SETBP1: variants seen among roughly 807,000 people sequenced by gnomAD.
The protein encoded by SETBP1 is SET binding protein 1.
In SETBP1, 9 loss-of-function variants were observed where a neutral mutation model predicts 101.0. The ratio of observed to expected loss-of-function variants is 0.09; its 90% CI spans 0.05 to 0.16. SETBP1 has a LOEUF of 0.16. Among genes scored for constraint, SETBP1 ranks in the 10% least tolerant of loss-of-function variants. The pLI is 1.00. For missense variants in SETBP1, 1,858 were observed against 2,033.8 expected (o/e 0.91, Z 1.66); for synonymous variants, 818 against 788.5 (o/e 1.04, Z -0.63).
In SETBP1 at chr18:45,063,790, G is replaced by A. The variant is rs2073932324; in HGVS notation, c.*92G>A. ...CGGGGGCGGAATCCCCCGCTGCAGG[G>A]ACACCCACGCCCTTCTCTCCAGAAG... On this transcript the variant is annotated 3_prime_UTR_variant, in exon 6 of 6. Coordinates refer to ENST00000649279, the MANE Select transcript of SETBP1 (RefSeq NM_015559.3). 15 of 1,408,384 alleles carry A rather than the reference G, an allele frequency of 1.1e-5. No individual in the cohort carries two copies. The highest frequency in any genetic ancestry group is 1.4e-5 in the African/African-American group (1 of 69,006). 87.2% of individuals were successfully genotyped at this position (1,408,384 alleles called of 1,614,324 possible). A position where few individuals can be genotyped will look rare whatever the true frequency, so the allele number is the denominator to read the frequency against.
intron 2 of SETBP1, among the ~76,000 whole-genome samples, chr18:44,863,483 C>T (rs990403799): frequency 6.6e-6 from 1 of 152,178 alleles, no homozygotes; most frequent in Non-Finnish European, 1.5e-5. Flanking sequence ...TTTTCCTTAC[C>T]CGTAGGCTGT....
At chr18:44,711,869 A>G (rs1372387343) in intron 2 of SETBP1, among the ~76,000 whole-genome samples, 2 of 152,026 alleles carry the variant, frequency 1.3e-5, no homozygotes, top group South Asian at 2.1e-4. Context: ...ACCATTTTCC[A>G]TAATACCCCA....
chr18:44,694,663 G>C (rs2068986012), intron 1 of SETBP1, among the ~76,000 whole-genome samples: 1 of 152,200 alleles, frequency 6.6e-6, no homozygotes, highest in Admixed American at 6.5e-5. Flanking sequence ...AAGAGGAGTA[G>C]CTCGAAGAGG....
At chr18:44,791,186 G>A (rs147338429) in intron 2 of SETBP1, among the ~76,000 whole-genome samples, 1 of 152,236 alleles carries the variant, frequency 6.6e-6, no homozygotes, top group East Asian at 1.9e-4. Flanking sequence ...CATTTTTAAT[G>A]TCACAGTTGG....
chr18:44,993,371 T>C (rs1454559478), intron 4 of SETBP1, among the ~76,000 whole-genome samples: 1 of 152,034 alleles, frequency 6.6e-6, no homozygotes, highest in Non-Finnish European at 1.5e-5. Flanking sequence ...AAAACTCTGA[T>C]TATTTTCTTA....
intron 2 of SETBP1, among the ~76,000 whole-genome samples, chr18:44,785,449 T>C (rs1446087023): frequency 1.3e-5 from 2 of 152,242 alleles, no homozygotes; most frequent in Admixed American, 1.3e-4. Flanking sequence ...AGATTACCTC[T>C]TAATTGTATT....
chr18:44,713,304 G>A (rs764103120), intron 2 of SETBP1, among the ~76,000 whole-genome samples: 1 of 151,942 alleles, frequency 6.6e-6, no homozygotes, highest in Admixed American at 6.6e-5. Context: ...ACTCCCTAAG[G>A]CATAGTTATT....
intron 2 of SETBP1, among the ~76,000 whole-genome samples, chr18:44,730,421 C>G (rs1294588663): frequency 6.6e-6 from 1 of 152,148 alleles, no homozygotes; most frequent in African/African-American, 2.4e-5. Flanking sequence ...AGAGAACATG[C>G]GATCTGCTAT....
At chr18:44,846,209 T>A (rs964368819) in intron 2 of SETBP1, among the ~76,000 whole-genome samples, 1 of 152,192 alleles carries the variant, frequency 6.6e-6, no homozygotes, top group African/African-American at 2.4e-5. Context: ...TTAAAAATAA[T>A]CCAGATATCT....
At chr18:44,764,305 C>T (rs1264498460) in intron 2 of SETBP1, among the ~76,000 whole-genome samples, 1 of 152,226 alleles carries the variant, frequency 6.6e-6, no homozygotes, top group Non-Finnish European at 1.5e-5. Context: ...GCAGTACTTG[C>T]CCCTGATTCC....
intron 2 of SETBP1, among the ~76,000 whole-genome samples, chr18:44,730,570 G>A (rs1480385928): frequency 1.3e-5 from 2 of 152,212 alleles, no homozygotes; most frequent in African/African-American, 4.8e-5. Flanking sequence ...CCATCCAAGA[G>A]GCTCTCATGT....
intron 1 of SETBP1, among the ~76,000 whole-genome samples, chr18:44,681,996 T>A (rs1052825217): frequency 2.6e-5 from 4 of 152,080 alleles, no homozygotes; most frequent in African/African-American, 4.8e-5. Context: ...CCCCTTAAAG[T>A]TTAGTTGGAG....
At chr18:45,035,427 T>C (rs2073377388) in intron 4 of SETBP1, among the ~76,000 whole-genome samples, 3 of 152,234 alleles carry the variant, frequency 2.0e-5, no homozygotes, top group Non-Finnish European at 2.9e-5. Context: ...TTAAATATCA[T>C]TTTATTACTT....
intron 5 of SETBP1, among the ~76,000 whole-genome samples, chr18:45,053,483 G>A (rs770410825): frequency 1.3e-5 from 2 of 152,178 alleles, no homozygotes; most frequent in Non-Finnish European, 2.9e-5. Context: ...TTTGTCTGGA[G>A]ACACAGAACT....
chr18:44,807,477 TG>T (rs1450768449), intron 2 of SETBP1, among the ~76,000 whole-genome samples: 17 of 152,176 alleles, frequency 1.1e-4, no homozygotes, highest in Non-Finnish European at 2.2e-4. Context: ...ATTTTTTGTT[TG>T]TTTGTTTGTT....
At chr18:44,880,919 C>T (rs935439477) in intron 3 of SETBP1, among the ~76,000 whole-genome samples, 1 of 152,136 alleles carries the variant, frequency 6.6e-6, no homozygotes, top group Non-Finnish European at 1.5e-5. Context: ...CTATATCAAG[C>T]ATGGTGTAAA....
At chr18:44,980,462 T>C (rs1358161473) in intron 4 of SETBP1, among the ~76,000 whole-genome samples, 1 of 151,878 alleles carries the variant, frequency 6.6e-6, no homozygotes, top group Non-Finnish European at 1.5e-5. Flanking sequence ...GTAGTTTCTC[T>C]GATTCGCACA....
At chr18:44,988,989 T>C (rs968975263) in intron 4 of SETBP1, 1 of 152,164 alleles carries the variant, frequency 6.6e-6, no homozygotes, top group Non-Finnish European at 1.5e-5. Flanking sequence ...ATATTATCTC[T>C]GGAAAAATGC....
chr18:44,687,693 G>C (rs767856196), intron 1 of SETBP1, among the ~76,000 whole-genome samples: 1 of 152,156 alleles, frequency 6.6e-6, no homozygotes, highest in African/African-American at 2.4e-5. Context: ...AGGAAGTCCA[G>C]AATGTATTCT....
Sources: gnomAD v4.1 joint callset for allele counts (sites outside exome capture counted in the v4.1 genomes callset) on GRCh38, gnomAD v4.1.1 for gene constraint, MANE v1.5 for transcripts, NCBI Gene and HGNC (gene_info 2026-07-23, HGNC 2026-07-21) for gene names.